The following WDR59 variants were observed in gnomAD, a reference collection of about 807,000 sequenced individuals.
WDR59 encodes the protein GATOR2 complex protein WDR59.
In WDR59, 100 loss-of-function variants were observed where a neutral mutation model predicts 131.2. The observed-to-expected ratio is 0.76, with a 90% CI of 0.65 to 0.90. The LOEUF (loss-of-function observed/expected upper bound fraction) is 0.90. Ranked by LOEUF, WDR59 falls within the 40% of genes least tolerant of loss-of-function variation. The probability of loss-of-function intolerance (pLI) is 0.00; values close to 1 mark genes in which losing one functional copy is unlikely to be tolerated. For synonymous variants in WDR59, 601 were observed against 466.2 expected, an observed-to-expected ratio of 1.29 and a Z score of -3.72; for missense variants, 1,203 against 1,262.2, an observed-to-expected ratio of 0.95 and a Z score of 0.71.
intron 13 of WDR59, among the ~76,000 whole-genome samples, chr16:74,913,087 T>G (rs1966185141): frequency 6.6e-6 from 1 of 150,664 alleles, no homozygotes; most frequent in Non-Finnish European, 1.5e-5. Context: ...GGGGGGGGCC[T>G]GTTCCCAACA....
chr16:74,893,493 A>C (rs1050460866), intron 19 of WDR59, among the ~76,000 whole-genome samples, 186 bp downstream of exon 19: 2 of 152,178 alleles, frequency 1.3e-5, no homozygotes, highest in East Asian at 3.8e-4. Context: ...AAACTGGAAG[A>C]TAAGAAATGA....
chr16:74,904,352 G>T, intron 17 of WDR59: 1 of 410,692 alleles, frequency 2.4e-6, no homozygotes, highest in Admixed American at 4.3e-5. Flanking sequence ...TTGAATACAA[G>T]GTCAACCTAC....
At chr16:74,928,644 G>A (rs2031097627) in intron 8 of WDR59, among the ~76,000 whole-genome samples, 3 of 152,188 alleles carry the variant, frequency 2.0e-5, no homozygotes, top group South Asian at 2.1e-4. Flanking sequence ...GCTCATGCCT[G>A]TAATCCCAGC....
In WDR59 at chr16:74,976,676, T is replaced by C. The variant is rs149317015; in HGVS notation, c.54+8288A>G. ...CAGGATGGTCTCGATCTTCTGACCTTGTGATCCGCCCACCTTGGCCTCCCA... is the reference window on the plus strand; with the variant it reads ...CAGGATGGTCTCGATCTTCTGACCTCGTGATCCGCCCACCTTGGCCTCCCA... On this transcript the variant is annotated intron_variant, in intron 1 of 25. Transcript: ENST00000262144. 2.4e-3 allele frequency among the ~76,000 whole-genome samples: 366 copies of C among 152,232 alleles called. 1 individual carries two copies. Among genetic ancestry groups the C allele is most frequent in the African/African-American group, 4.4e-3 (181 of 41,556 alleles).
intron 9 of WDR59, among the ~76,000 whole-genome samples, chr16:74,923,478 A>AT (rs1366438314): frequency 6.6e-6 from 1 of 151,984 alleles, no homozygotes; most frequent in East Asian, 1.9e-4. Context: ...AATTTATTTT[A>AT]TTTTTTTATT....
intron 1 of WDR59, among the ~76,000 whole-genome samples, chr16:74,972,170 G>A (rs1409625959): frequency 6.6e-6 from 1 of 152,180 alleles, no homozygotes; most frequent in African/African-American, 2.4e-5. Flanking sequence ...GTGACTTTTG[G>A]CACACTTAAC....
chr16:74,886,225 G>A (rs1368299337), intron 24 of WDR59, 45 bp downstream of exon 24: 3 of 1,578,414 alleles, frequency 1.9e-6, no homozygotes, highest in Non-Finnish European at 2.6e-6. Flanking sequence ...CTGGAGTCCT[G>A]CCTGGAGTCC....
At chr16:74,954,162 A>T (rs2033161961) in intron 3 of WDR59, among the ~76,000 whole-genome samples, 2 of 152,112 alleles carry the variant, frequency 1.3e-5, no homozygotes, top group Non-Finnish European at 2.9e-5. Context: ...TAATCCAAGC[A>T]CTTTGGGAGG....
At chr16:74,944,615 C>T (rs1428322764) in intron 6 of WDR59, among the ~76,000 whole-genome samples, 1 of 151,974 alleles carries the variant, frequency 6.6e-6, no homozygotes, top group Non-Finnish European at 1.5e-5. Context: ...ATGGGGACCA[C>T]AGGCTCTGGG....
chr16:74,917,910 A>G lies in WDR59; in HGVS notation c.966+19T>C, dbSNP rs1223654997. The G allele has an allele frequency of 6.2e-7, 1 of 1,611,620 alleles. No individual in the cohort carries two copies. The highest frequency in any genetic ancestry group is 1.7e-5 in the Admixed American group (1 of 59,986). The stretch of plus-strand genomic sequence containing the variant: ...GGTGGATTCAGGTACATTTCTCCAC[A>G]ATAGCACTGCATACATACCCTCTGC... On this transcript the variant is annotated intron_variant, in intron 11 of 25. Transcript: ENST00000262144.
intron 7 of WDR59, 135 bp from the exon 8 acceptor site, chr16:74,938,401 T>A (rs532355232): frequency 1.1e-5 from 6 of 540,552 alleles, no homozygotes; most frequent in African/African-American, 7.7e-5. Flanking sequence ...ACAGACTTTG[T>A]TTGTTTTGGT....
chr16:74,872,261 T>C lies in WDR59; in HGVS notation c.*1948A>G, dbSNP rs977161124. 1.4e-4 allele frequency: 21 copies of C among 152,202 alleles called. No homozygotes were observed. Among genetic ancestry groups the C allele is most frequent in the Admixed American group, 3.9e-4 (6 of 15,274 alleles). The allele number at this position is 152,202 out of a possible 1,614,324, so 9.4% of individuals were successfully genotyped here. On this transcript the variant is annotated 3_prime_UTR_variant, in exon 26 of 26. Coordinates refer to ENST00000262144, the MANE Select transcript of WDR59 (RefSeq NM_030581.4). The stretch of plus-strand genomic sequence containing the variant: ...TGAAACACATGAATATGCAATGCTC[T>C]CCCATTATGAGACATGTCCTAGTCC...
chr16:74,955,900 A>G (rs956812375), intron 3 of WDR59, among the ~76,000 whole-genome samples: 2 of 152,224 alleles, frequency 1.3e-5, no homozygotes, highest in Non-Finnish European at 2.9e-5. Flanking sequence ...ATCTTTTTGT[A>G]TAAAGAAAAG....
intron 8 of WDR59, among the ~76,000 whole-genome samples, chr16:74,935,501 A>C (rs1302056122): frequency 6.6e-6 from 1 of 152,134 alleles, no homozygotes; most frequent in Non-Finnish European, 1.5e-5. Flanking sequence ...TGAAATACAC[A>C]TTTAGTGATA....
At chr16:74,910,625 C>T (rs1199501589) in intron 14 of WDR59, among the ~76,000 whole-genome samples, 1 of 152,176 alleles carries the variant, frequency 6.6e-6, no homozygotes, top group East Asian at 1.9e-4. Context: ...ATGGATTTCA[C>T]TTCAGTGAAA....
At position 74,949,767 on chromosome 16, in the gene WDR59, G is replaced by A; in HGVS notation, c.358C>T (p.Leu120Phe). Residue 120 changes from leucine (L) to phenylalanine (F), a missense_variant, in exon 5 of 26, where the codon CTC (leucine) becomes TTC (phenylalanine). Physicochemically the swap from Leu to Phe is conservative, Grantham distance 22. Coordinates refer to ENST00000262144, the MANE Select transcript of WDR59 (RefSeq NM_030581.4). ...GTGTCCACAGAGCTGGTAACCAGGAGGTCAGGCTCAAACACCGCCCAGTCC... is the reference window on the plus strand; with the variant it reads ...GTGTCCACAGAGCTGGTAACCAGGAAGTCAGGCTCAAACACCGCCCAGTCC... ...DLDWAVFEPD[L>F]LVTSSVDTYI... 3 of 1,613,932 alleles carry A rather than the reference G, an allele frequency of 1.9e-6. No homozygotes were observed. Among genetic ancestry groups the A allele is most frequent in the East Asian group, 2.2e-5 (1 of 44,856 alleles).
At chr16:74,977,929 G>GC (rs2034251767) in intron 1 of WDR59, among the ~76,000 whole-genome samples, 1 of 152,154 alleles carries the variant, frequency 6.6e-6, no homozygotes, top group African/African-American at 2.4e-5. Flanking sequence ...AAGACGCCAG[G>GC]TAGGGTGGTG....
In WDR59 at chr16:74,916,245, G is replaced by A. The variant is rs199756513; in HGVS notation, c.981C>T (p.Asp327=). 1.1e-5 allele frequency: 18 copies of A among 1,613,958 alleles called. No homozygotes were observed. The highest frequency in any genetic ancestry group is 2.2e-5 in the East Asian group (1 of 44,866). Residue 327 remains aspartate (D), a synonymous_variant, in exon 12 of 26, where the codon GAC becomes GAT. Transcript: ENST00000262144. ...TGAACTCATCAACACCATCTAATAT[G>A]TCATTTGCACAAAGCTGCAACAAAG... is the stretch of plus-strand genomic sequence containing the variant. ...DSQMQRLCAN[D]ILDGVDEFIE... is the part of the protein sequence containing the mutation.
At chr16:74,944,839 A>G (rs2032494442) in intron 6 of WDR59, among the ~76,000 whole-genome samples, 1 of 152,178 alleles carries the variant, frequency 6.6e-6, no homozygotes, top group African/African-American at 2.4e-5. Context: ...AGGCTAAAAA[A>G]AGAACCACTT....
Sources: allele counts gnomAD v4.1 joint callset (sites outside exome capture counted in the v4.1 genomes callset), GRCh38; gene constraint gnomAD v4.1.1; transcripts MANE v1.5; gene names NCBI Gene and HGNC (gene_info 2026-07-23, HGNC 2026-07-21).